The following GTF2IRD1 variants were observed in gnomAD, a reference collection of about 807,000 sequenced individuals.
The protein encoded by GTF2IRD1 is GTF2I repeat domain containing 1.
In GTF2IRD1, 26 loss-of-function variants were observed where a neutral mutation model predicts 113.2. That is an observed-to-expected ratio of 0.23 (90% CI 0.17 to 0.32). GTF2IRD1 has a LOEUF of 0.32. GTF2IRD1 is among the 10% of genes least tolerant of loss of function. The pLI, the probability that GTF2IRD1 is intolerant of heterozygous loss-of-function variation, is 1.00. For missense variants in GTF2IRD1, 864 were observed against 1,280.8 expected (o/e 0.67, Z 4.97); for synonymous variants, 484 against 529.1 (o/e 0.91, Z 1.17).
In GTF2IRD1 at chr7:74,518,167, G is replaced by A. The variant is rs141229529; in HGVS notation, c.450G>A (p.Val150=). ...YSEALGRASV[V]PLPYERLLRE... Reference sequence around the variant, plus strand: ...AGGCCCTGGGAAGGGCCAGTGTGGTGCCACTGCCCTATGAGAGGCTGCTCA... The same window carrying A: ...AGGCCCTGGGAAGGGCCAGTGTGGTACCACTGCCCTATGAGAGGCTGCTCA... Residue 150 remains valine (V), a synonymous_variant, in exon 5 of 27, where the codon GTG becomes GTA. Coordinates refer to ENST00000424337, the MANE Select transcript of GTF2IRD1 (RefSeq NM_005685.4). The A allele has an allele frequency of 8.6e-4, 1,379 of 1,602,320 alleles. 3 individuals carry two copies. The African/African-American group carries it at 0.016, about 19-fold the overall frequency.
At chr7:74,558,313 T>C (rs1455322455) in intron 20 of GTF2IRD1, among the ~76,000 whole-genome samples, 2 of 142,724 alleles carry the variant, frequency 1.4e-5, no homozygotes, top group Admixed American at 7.2e-5. Flanking sequence ...GCATATGACA[T>C]GGGAGCATAT....
intron 14 of GTF2IRD1, among the ~76,000 whole-genome samples, chr7:74,543,174 C>T (rs1798725869): frequency 6.6e-6 from 1 of 152,200 alleles, no homozygotes; most frequent in Non-Finnish European, 1.5e-5. Context: ...TGGTGGTGCG[C>T]ACCTGTTATC....
chr7:74,484,224 C>T (rs1554335173), intron 1 of GTF2IRD1, among the ~76,000 whole-genome samples: 1 of 152,168 alleles, frequency 6.6e-6, no homozygotes, highest in Non-Finnish European at 1.5e-5. Flanking sequence ...GAACCAAAGC[C>T]ATGGAGTCAA....
chr7:74,561,223 C>A (rs1799940703), intron 22 of GTF2IRD1, among the ~76,000 whole-genome samples: 2 of 151,794 alleles, frequency 1.3e-5, no homozygotes, highest in African/African-American at 4.8e-5. Flanking sequence ...GTGGCGCACA[C>A]CTGTAATCCC....
intron 22 of GTF2IRD1, among the ~76,000 whole-genome samples, chr7:74,589,183 A>T (rs1217854204): frequency 1.3e-5 from 2 of 151,838 alleles, no homozygotes; most frequent in African/African-American, 2.4e-5. Flanking sequence ...ACATAGCGAG[A>T]CTCCATCTGT....
intron 22 of GTF2IRD1, among the ~76,000 whole-genome samples, chr7:74,570,054 G>A (rs1370951585): frequency 9.2e-5 from 14 of 152,060 alleles, no homozygotes; most frequent in Non-Finnish European, 1.5e-5. Context: ...TGAGGCAGCG[G>A]TTTTCAAACC....
intron 1 of GTF2IRD1, among the ~76,000 whole-genome samples, chr7:74,504,038 C>T (rs895152195): frequency 1.3e-5 from 2 of 152,160 alleles, no homozygotes; most frequent in South Asian, 2.1e-4. Flanking sequence ...TGTTAATTTG[C>T]GTAGGATAAT....
chr7:74,547,342 G>T, intron 17 of GTF2IRD1, 56 bp downstream of exon 17: 1 of 1,368,050 alleles, frequency 7.3e-7, no homozygotes, highest in Non-Finnish European at 1.0e-6. Context: ...GCACCAAGGG[G>T]CAGGAGCAGC....
intron 17 of GTF2IRD1, among the ~76,000 whole-genome samples, chr7:74,550,101 G>T (rs1392141491): frequency 1.3e-5 from 2 of 151,710 alleles, no homozygotes; most frequent in African/African-American, 4.8e-5. Flanking sequence ...AAGAGGCAAA[G>T]AGGAGAATCA....
chr7:74,515,495 G>T lies in GTF2IRD1; in HGVS notation c.320G>T (p.Gly107Val), dbSNP rs141997700. ...EAEHPKKVQR[G>V]EGGGRSLPRS... The stretch of plus-strand genomic sequence containing the variant: ...GAGCACCCCAAGAAGGTGCAGCGGG[G>T]CGAGGGTGGAGGCCGTAGCCTCCCT... Residue 107 changes from glycine (G) to valine (V), a missense_variant, in exon 4 of 27, where the codon GGC becomes GTC. This residue lies in a region of GTF2IRD1 where 182 missense variants were observed against 266.6 expected (regional missense o/e 0.68). Transcript: ENST00000424337. The T allele has an allele frequency of 6.2e-5, 100 of 1,612,362 alleles. No homozygotes were observed. The African/African-American group carries it at 1.2e-3, about 20-fold the overall frequency.
At chr7:74,549,138 A>T (rs1484168586) in intron 17 of GTF2IRD1, among the ~76,000 whole-genome samples, 3 of 151,950 alleles carry the variant, frequency 2.0e-5, no homozygotes, top group Non-Finnish European at 4.4e-5. Context: ...AAAAATACAC[A>T]GATTAGCCAG....
At chr7:74,521,793 A>G (rs113289110) in intron 7 of GTF2IRD1, among the ~76,000 whole-genome samples, 56 of 151,832 alleles carry the variant, frequency 3.7e-4, no homozygotes, top group African/African-American at 1.3e-3. Flanking sequence ...AAAATAAATA[A>G]CCCCAAAATG....
intron 9 of GTF2IRD1, among the ~76,000 whole-genome samples, chr7:74,534,163 T>C (rs1554349630): frequency 6.6e-6 from 1 of 152,132 alleles, no homozygotes; most frequent in Non-Finnish European, 1.5e-5. Context: ...GATAAACGAA[T>C]AAGTCATTCA....
chr7:74,529,297 A>G (rs1360324354), intron 8 of GTF2IRD1, among the ~76,000 whole-genome samples: 1 of 152,100 alleles, frequency 6.6e-6, no homozygotes, highest in Non-Finnish European at 1.5e-5. Flanking sequence ...TCTGTTGCCC[A>G]GGCTGGAGTG....
intron 25 of GTF2IRD1, among the ~76,000 whole-genome samples, chr7:74,597,284 T>C (rs1207689392): frequency 6.6e-6 from 1 of 151,466 alleles, no homozygotes; most frequent in Non-Finnish European, 1.5e-5. Context: ...CCTCATGATC[T>C]ACCTGCCTCG....
intron 1 of GTF2IRD1, among the ~76,000 whole-genome samples, chr7:74,468,302 G>A (rs1187724814): frequency 6.6e-6 from 1 of 150,950 alleles, no homozygotes; most frequent in Non-Finnish European, 1.5e-5. Flanking sequence ...AGGAGTTTGA[G>A]ACCGGCCTGG....
chr7:74,460,040 A>G (rs1793260716), intron 1 of GTF2IRD1, among the ~76,000 whole-genome samples: 1 of 151,838 alleles, frequency 6.6e-6, no homozygotes, highest in Non-Finnish European at 1.5e-5. Flanking sequence ...CAGTGGCACA[A>G]TCTCGGCTCA....
intron 22 of GTF2IRD1, among the ~76,000 whole-genome samples, chr7:74,577,235 C>T (rs1193470134): frequency 6.6e-6 from 1 of 152,128 alleles, no homozygotes; most frequent in South Asian, 2.1e-4. Context: ...GACGGGATTT[C>T]GCCATGTTGG....
chr7:74,487,024 A>G (rs782404463), intron 1 of GTF2IRD1, among the ~76,000 whole-genome samples: 7 of 152,100 alleles, frequency 4.6e-5, no homozygotes, highest in Non-Finnish European at 1.0e-4. Context: ...TAGATGAGAG[A>G]ATTACAAGAT....
Sources: allele counts gnomAD v4.1 joint callset (sites outside exome capture counted in the v4.1 genomes callset), GRCh38; gene constraint gnomAD v4.1.1; regional missense constraint gnomAD v4.1.1; transcripts MANE v1.5; gene names NCBI Gene and HGNC (gene_info 2026-07-23, HGNC 2026-07-21).